Variants in GSE1 observed in about 807,000 individuals in gnomAD.
GSE1 encodes Gse1 coiled-coil protein, also known as genetic suppressor element 1.
GSE1 carries 32 observed loss-of-function variants against 112.6 expected under a neutral mutation model. The ratio of observed to expected loss-of-function variants is 0.28; its 90% CI spans 0.21 to 0.38. The LOEUF (loss-of-function observed/expected upper bound fraction) is 0.38, where lower values mean the gene tolerates loss of function less well. GSE1 is among the 10% of genes least tolerant of loss of function. The pLI is 1.00. For missense variants in GSE1, 2,348 were observed against 1,699.2 expected (o/e 1.38, Z -6.71); for synonymous variants, 1,115 against 735.6 (o/e 1.52, Z -8.35).
At position 85,197,271 on chromosome 16, in the gene GSE1, A is replaced by G. The variant is rs367910783; in HGVS notation, c.2283+25464A>G. On this transcript the variant is annotated intron_variant, in intron 1 of 2. Transcript: ENST00000637419. The stretch of plus-strand genomic sequence containing the variant: ...GGACCCCAGTGAGCCCCCTCCGTCC[A>G]CTTGGAGAGGGGCGGGAAGGGAGTC... 6.6e-5 allele frequency among the ~76,000 whole-genome samples: 10 copies of G among 152,202 alleles called. 1 individual carries two copies.
At chr16:85,186,137 T>C (rs1376939219) in intron 1 of GSE1, among the ~76,000 whole-genome samples, 1 of 152,134 alleles carries the variant, frequency 6.6e-6, no homozygotes, top group Non-Finnish European at 1.5e-5. Flanking sequence ...CCTCCACCCA[T>C]CGTGAGATTT....
At chr16:85,561,292 A>C (rs949775366) in intron 1 of GSE1, among the ~76,000 whole-genome samples, 1 of 152,130 alleles carries the variant, frequency 6.6e-6, no homozygotes, top group Non-Finnish European at 1.5e-5. Context: ...GATTGAGGTC[A>C]CATGTGCGCT....
At chr16:85,581,090 C>T (rs895895843) in intron 1 of GSE1, among the ~76,000 whole-genome samples, 1 of 152,172 alleles carries the variant, frequency 6.6e-6, no homozygotes, top group Admixed American at 6.5e-5. Flanking sequence ...TGCCTTTGAA[C>T]AGGGATGGTT....
chr16:85,176,889 A>G (rs184891112), intron 1 of GSE1, among the ~76,000 whole-genome samples: 38 of 152,296 alleles, frequency 2.5e-4, no homozygotes, highest in African/African-American at 8.7e-4. Context: ...CCTGCTCCTC[A>G]GGGGGCCTGG....
intron 2 of GSE1, among the ~76,000 whole-genome samples, chr16:85,441,029 C>T (rs1448303081): frequency 6.6e-6 from 1 of 152,226 alleles, no homozygotes; most frequent in African/African-American, 2.4e-5. Flanking sequence ...ACCTGAGGAA[C>T]GAGGGGCTGG....
intron 2 of GSE1, among the ~76,000 whole-genome samples, chr16:85,433,110 C>T (rs113123892): frequency 6.6e-6 from 1 of 152,108 alleles, no homozygotes; most frequent in Non-Finnish European, 1.5e-5. Context: ...AGGCTCAGCA[C>T]CAGCCCCAGG....
intron 1 of GSE1, among the ~76,000 whole-genome samples, chr16:85,572,061 CAT>C (rs2046005652): frequency 2.7e-5 from 4 of 150,770 alleles, no homozygotes; most frequent in Admixed American, 1.3e-4. Flanking sequence ...TACCACACAC[CAT>C]ACACACAACC....
chr16:85,611,417 G>C, upstream of GSE1: 5 of 972,990 alleles, frequency 5.1e-6, no homozygotes, highest in Non-Finnish European at 6.1e-6. Flanking sequence ...CCACCGTGTG[G>C]TGCGTAAATT....
At chr16:85,318,919 A>T (rs1023120126) in intron 1 of GSE1, among the ~76,000 whole-genome samples, 6 of 152,334 alleles carry the variant, frequency 3.9e-5, no homozygotes, top group Middle Eastern at 3.4e-3. Context: ...CCTTAATAAC[A>T]TGGATGAGGC....
At chr16:85,294,226 G>A (rs1304416454) in intron 1 of GSE1, among the ~76,000 whole-genome samples, 1 of 152,138 alleles carries the variant, frequency 6.6e-6, no homozygotes, top group Non-Finnish European at 1.5e-5. Flanking sequence ...TTGAAAACCT[G>A]ATGCTTCCTT....
Position 85,203,065 on chromosome 16 carries a change from C to T in GSE1, c.2283+31258C>T, listed in dbSNP as rs372507806. ...TGGCTCTGGCCCCAGCTGGCCTCGGCGGTGGCAGGGGCCTGGATTTCTCCT... is the reference window on the plus strand; with the variant it reads ...TGGCTCTGGCCCCAGCTGGCCTCGGTGGTGGCAGGGGCCTGGATTTCTCCT... On this transcript the variant is annotated intron_variant, in intron 1 of 2. Coordinates refer to the GSE1 transcript ENST00000637419. Among the ~76,000 whole-genome samples the T allele has an allele frequency of 1.4e-4, 22 of 151,726 alleles. No individual in the cohort carries two copies. In the South Asian group the frequency reaches 2.1e-3, roughly 14 times the overall value.
chr16:85,288,362 G>A (rs762147177), intron 1 of GSE1, among the ~76,000 whole-genome samples: 20 of 152,220 alleles, frequency 1.3e-4, no homozygotes, highest in Non-Finnish European at 2.6e-4. Context: ...GGAGGAACTC[G>A]TAGGACAATA....
rs767090036 is a variant in GSE1, at chr16:85,654,384, G to C, written c.533G>C (p.Ser178Thr). The C allele has an allele frequency of 1.9e-6, 3 of 1,611,222 alleles. No homozygotes were observed. The Admixed American group carries it at 5.0e-5, about 27-fold the overall frequency. Residue 178 changes from serine to threonine, a missense_variant, in exon 4 of 16, where the codon AGC becomes ACC. Ser to Thr is a moderately conservative substitution (Grantham distance 58). Transcript: ENST00000253458. Reference protein sequence around the residue: ...GGPAIPSHLLSTPYPFGLSPS... With the variant: ...GGPAIPSHLLTTPYPFGLSPS... ...CCAGCCATCCCCTCGCACCTGCTCA[G>C]CACCCCCTACCCCTTCGGCCTCTCC...
intron 1 of GSE1, among the ~76,000 whole-genome samples, chr16:85,575,412 A>C (rs2046188016): frequency 6.6e-6 from 1 of 152,100 alleles, no homozygotes; most frequent in Admixed American, 6.5e-5. Context: ...TGCCGTTAAA[A>C]TACACACAGA....
At chr16:85,552,652 G>A (rs1286366884), upstream of GSE1, among the ~76,000 whole-genome samples, 1 of 152,232 alleles carries the variant, frequency 6.6e-6, no homozygotes, top group Non-Finnish European at 1.5e-5. Context: ...CTCGATGGCT[G>A]TCTCCAAGTG....
At chr16:85,576,430 G>A (rs1027099042) in intron 1 of GSE1, among the ~76,000 whole-genome samples, 1 of 152,160 alleles carries the variant, frequency 6.6e-6, no homozygotes, top group African/African-American at 2.4e-5. Flanking sequence ...GAAGCCAAAC[G>A]CTGCCCCTTC....
intron 2 of GSE1, among the ~76,000 whole-genome samples, chr16:85,498,338 C>A (rs150230085): frequency 6.6e-6 from 1 of 152,060 alleles, no homozygotes; most frequent in Non-Finnish European, 1.5e-5. Flanking sequence ...CAGACACACA[C>A]GGACACACAG....
intron 1 of GSE1, among the ~76,000 whole-genome samples, chr16:85,575,328 C>T (rs1227852021): frequency 1.3e-5 from 2 of 152,136 alleles, no homozygotes; most frequent in Admixed American, 1.3e-4. Context: ...GGAGTTCTGG[C>T]GGAATCTAGG....
intron 2 of GSE1, among the ~76,000 whole-genome samples, chr16:85,388,592 ATGGATGGATGGT>A (rs1159553258): frequency 2.1e-5 from 3 of 141,250 alleles, no homozygotes; most frequent in Non-Finnish European, 3.1e-5. Flanking sequence ...GGGTGGGTGG[ATGGATGGATGGT>A]TGGATGGATG....
Sources: allele counts gnomAD v4.1 joint callset (sites outside exome capture counted in the v4.1 genomes callset), GRCh38; gene constraint gnomAD v4.1.1; transcripts MANE v1.5; gene names NCBI Gene and HGNC (gene_info 2026-07-23, HGNC 2026-07-21).